Variants in EYA1 observed in about 807,000 individuals in gnomAD.
EYA1 encodes the protein EYA transcriptional coactivator and phosphatase 1.
A neutral mutation model predicts 82.0 loss-of-function variants in EYA1; 16 were observed. That is an observed-to-expected ratio of 0.20 (90% CI 0.13 to 0.30). The LOEUF (loss-of-function observed/expected upper bound fraction) is 0.30, where lower values mean the gene tolerates loss of function less well. EYA1 is among the 10% of genes least tolerant of loss of function. The probability of loss-of-function intolerance (pLI) is 1.00; values close to 1 mark genes in which losing one functional copy is unlikely to be tolerated. For missense variants in EYA1, 633 were observed against 730.7 expected (o/e 0.87, Z 1.54); for synonymous variants, 261 against 264.4 (o/e 0.99, Z 0.12).
chr8:71,396,386 G>A (rs996753950), intron 2 of EYA1, among the ~76,000 whole-genome samples: 1 of 152,062 alleles, frequency 6.6e-6, no homozygotes, highest in Non-Finnish European at 1.5e-5. Context: ...GTGATTTTAG[G>A]TTGTCAATTT....
chr8:71,202,571 T>C (rs1807182053), intron 17 of EYA1, among the ~76,000 whole-genome samples: 1 of 152,122 alleles, frequency 6.6e-6, no homozygotes, highest in Non-Finnish European at 1.5e-5. Context: ...AAACTTCCTG[T>C]AGTATATTAC....
chr8:71,201,139 C>A (rs946962651), intron 17 of EYA1, among the ~76,000 whole-genome samples: 3 of 149,036 alleles, frequency 2.0e-5, no homozygotes, highest in African/African-American at 7.5e-5. Flanking sequence ...TCATAAATCC[C>A]AATAGTTATG....
At chr8:71,342,300 C>T (rs1028175893) in intron 3 of EYA1, among the ~76,000 whole-genome samples, 2 of 152,178 alleles carry the variant, frequency 1.3e-5, no homozygotes, top group Non-Finnish European at 1.5e-5. Flanking sequence ...TCCTTCCAAC[C>T]TTATCTACTA....
At chr8:71,346,442 A>ATATATATC (rs1554561568) in intron 3 of EYA1, among the ~76,000 whole-genome samples, 2 of 134,442 alleles carry the variant, frequency 1.5e-5, no homozygotes, top group Non-Finnish European at 3.1e-5. Flanking sequence ...ATATATATAT[A>ATATATATC]TATATATATA....
chr8:71,258,528 G>C (rs1171788055), intron 11 of EYA1, among the ~76,000 whole-genome samples: 2 of 152,162 alleles, frequency 1.3e-5, no homozygotes, highest in African/African-American at 2.4e-5. Context: ...TTAAACTTTG[G>C]GTAGTCCTAA....
At chr8:71,498,250 T>C (rs1811564313) in intron 2 of EYA1, among the ~76,000 whole-genome samples, 1 of 152,212 alleles carries the variant, frequency 6.6e-6, no homozygotes, top group Non-Finnish European at 1.5e-5. Flanking sequence ...AATATGTTAA[T>C]TAGCTGGAGT....
chr8:71,457,420 C>A (rs1808022413), intron 2 of EYA1, among the ~76,000 whole-genome samples: 1 of 152,112 alleles, frequency 6.6e-6, no homozygotes, highest in Non-Finnish European at 1.5e-5. Context: ...GGTATATACC[C>A]AAAGGATTAT....
chr8:71,226,038 C>G (rs1810516229), intron 12 of EYA1, among the ~76,000 whole-genome samples: 1 of 152,070 alleles, frequency 6.6e-6, no homozygotes, highest in African/African-American at 2.4e-5. Flanking sequence ...AGAACAAAGT[C>G]TTTACTGAAA....
intron 2 of EYA1, among the ~76,000 whole-genome samples, chr8:71,535,441 G>T (rs898775330): frequency 1.3e-5 from 2 of 152,092 alleles, no homozygotes; most frequent in Non-Finnish European, 1.5e-5. Context: ...CTTTCCCTGA[G>T]GCAAAGAAAC....
intron 2 of EYA1, chr8:71,529,884 G>C (rs1209269540): frequency 6.6e-6 from 1 of 152,142 alleles, no homozygotes; most frequent in Non-Finnish European, 1.5e-5. Context: ...TCTTATGCCA[G>C]CTCATGGTAA....
intron 4 of EYA1, among the ~76,000 whole-genome samples, chr8:71,325,178 T>C (rs1823012778): frequency 6.6e-6 from 1 of 152,212 alleles, no homozygotes; most frequent in Admixed American, 6.5e-5. Context: ...TGCCCATCCA[T>C]GGCATGTACT....
chr8:71,294,357 G>C (rs1819354807), intron 9 of EYA1, among the ~76,000 whole-genome samples: 1 of 152,096 alleles, frequency 6.6e-6, no homozygotes, highest in Admixed American at 6.5e-5. Flanking sequence ...TACTCGGGAG[G>C]CTGAGGCAGG....
intron 2 of EYA1, among the ~76,000 whole-genome samples, chr8:71,410,711 T>G (rs1451944631): frequency 6.8e-6 from 1 of 147,964 alleles, no homozygotes; most frequent in South Asian, 2.2e-4. Flanking sequence ...TACAAACCAC[T>G]GCTCAAGGAA....
chr8:71,308,171 C>T (rs956968924), intron 7 of EYA1, among the ~76,000 whole-genome samples: 8 of 152,006 alleles, frequency 5.3e-5, no homozygotes, highest in Non-Finnish European at 7.4e-5. Flanking sequence ...TTTTCTGAAT[C>T]GGTAATGTTG....
rs1278460689 is a variant in EYA1 at position 71,211,138 on chromosome 8, C to A, written c.1698+18G>T. The A allele has an allele frequency of 6.7e-7, 1 of 1,482,028 alleles. No homozygotes were observed. The allele number at this position is 1,482,028 out of a possible 1,614,324, so 91.8% of individuals were successfully genotyped here. ...GAAAAAACAAATGAGACAAGATGCA[C>A]CATCTAGGAATGCTCACCTTTTTTG... On this transcript the variant is annotated intron_variant, in intron 17 of 17. Transcript: ENST00000340726.
chr8:71,476,262 T>C (rs1169018583), intron 2 of EYA1, among the ~76,000 whole-genome samples: 1 of 152,112 alleles, frequency 6.6e-6, no homozygotes, highest in Non-Finnish European at 1.5e-5. Context: ...AGGACAAAAA[T>C]TCTAAAGCAC....
chr8:71,425,104 C>CAAAAAAAAAAAAAAA (rs71264555), intron 2 of EYA1, among the ~76,000 whole-genome samples: 11 of 75,264 alleles, frequency 1.5e-4, no homozygotes, highest in African/African-American at 3.4e-4. Context: ...ACTAAAAATA[C>CAAAAAAAAAAAAAAA]AAAAAAAAAA....
intron 2 of EYA1, among the ~76,000 whole-genome samples, chr8:71,523,179 CT>C (rs1160944112): frequency 2.7e-4 from 32 of 119,756 alleles, no homozygotes; most frequent in Middle Eastern, 4.5e-3. Flanking sequence ...TTTTCTTTTT[CT>C]TTTTTTTTTT....
chr8:71,215,954 T>C (rs1316379892), intron 14 of EYA1, among the ~76,000 whole-genome samples: 2 of 152,312 alleles, frequency 1.3e-5, no homozygotes, highest in East Asian at 1.9e-4. Context: ...TAAGTGTAGT[T>C]TGGGCAGAGG....
Sources: allele counts gnomAD v4.1 joint callset (sites outside exome capture counted in the v4.1 genomes callset), GRCh38; gene constraint gnomAD v4.1.1; transcripts MANE v1.5; gene names NCBI Gene and HGNC (gene_info 2026-07-23, HGNC 2026-07-21).